Variants in REEP5 observed in about 807,000 individuals in gnomAD.
REEP5 encodes the protein receptor expression-enhancing protein 5.
REEP5 carries 24 observed loss-of-function variants against 22.4 expected under a neutral mutation model. The observed-to-expected ratio is 1.07, with a 90% CI of 0.78 to 1.51. REEP5 has a LOEUF of 1.51. Ranked by LOEUF, REEP5 falls within the 40% of genes most tolerant of loss-of-function variation. The pLI is 0.00. For synonymous variants in REEP5, 103 were observed against 88.6 expected (o/e 1.16, Z -0.92); for missense variants, 252 against 233.0 (o/e 1.08, Z -0.53).
At chr5:112,882,274 T>A (rs978498036) in intron 4 of REEP5, among the ~76,000 whole-genome samples, 4 of 152,086 alleles carry the variant, frequency 2.6e-5, no homozygotes, top group Non-Finnish European at 5.9e-5. Flanking sequence ...TCAGCCACCA[T>A]CACCTTTTAT....
chr5:112,920,720 A>C (rs1161682815), intron 2 of REEP5, among the ~76,000 whole-genome samples: 1 of 152,166 alleles, frequency 6.6e-6, no homozygotes, highest in Non-Finnish European at 1.5e-5. Context: ...AATTCTCCCT[A>C]CTGTCTCAAT....
intron 1 of REEP5, 155 bp from the exon 2 acceptor site, chr5:112,921,411 T>C: frequency 1.4e-6 from 1 of 711,850 alleles, no homozygotes; most frequent in Non-Finnish European, 2.5e-6. Flanking sequence ...AAGCTGGGCC[T>C]GCGCGTCCGC....
chr5:112,905,571 C>T (rs1447215757), intron 2 of REEP5, among the ~76,000 whole-genome samples: 2 of 146,538 alleles, frequency 1.4e-5, no homozygotes, highest in African/African-American at 5.0e-5. Context: ...AAAAAACAAA[C>T]TTGAGGTTTT....
chr5:112,898,730 G>A (rs1561654345), intron 3 of REEP5, among the ~76,000 whole-genome samples: 2 of 152,228 alleles, frequency 1.3e-5, no homozygotes, highest in East Asian at 1.9e-4. Context: ...ATCTTATTAA[G>A]GGCTTTAAAA....
At chr5:112,901,102 G>A (rs1295635930) in intron 3 of REEP5, among the ~76,000 whole-genome samples, 1 of 152,060 alleles carries the variant, frequency 6.6e-6, no homozygotes, top group Non-Finnish European at 1.5e-5. Flanking sequence ...GCCTCCCAAA[G>A]TGCTAGAATT....
At chr5:112,897,736 A>G (rs1768733751) in intron 3 of REEP5, 1 of 152,160 alleles carries the variant, frequency 6.6e-6, no homozygotes, top group South Asian at 2.1e-4. Flanking sequence ...AAAGCCAACA[A>G]TATTAACTCT....
intron 2 of REEP5, among the ~76,000 whole-genome samples, chr5:112,920,065 C>T (rs1299102288): frequency 6.6e-6 from 1 of 152,148 alleles, no homozygotes; most frequent in Non-Finnish European, 1.5e-5. Context: ...CTTGAGTCTC[C>T]TCCATAAAGC....
chr5:112,921,700 G>A, intron 1 of REEP5: 1 of 241,012 alleles, frequency 4.1e-6, no homozygotes. Context: ...CTCCACGGAG[G>A]GTCGGGTAGG....
intron 2 of REEP5, among the ~76,000 whole-genome samples, chr5:112,908,988 C>G (rs1769032744): frequency 6.6e-6 from 1 of 151,660 alleles, no homozygotes; most frequent in Non-Finnish European, 1.5e-5. Context: ...AAGAGAGCCA[C>G]ACAGCCCATC....
intron 3 of REEP5, chr5:112,894,882 C>T (rs1427412033): frequency 1.3e-5 from 2 of 152,038 alleles, no homozygotes; most frequent in African/African-American, 4.8e-5. Context: ...AAGAGAGAGA[C>T]AGATGTCCAT....
rs1219716942 is a variant in REEP5 at position 112,877,278 on chromosome 5, A to C, written c.*1508T>G. ...ATTGTTATGATCTTACCTGATTGTT[A>C]TCTCAAGGTGAGCTAATCATCTTTA... On this transcript the variant is annotated 3_prime_UTR_variant, in exon 5 of 5. Transcript: ENST00000379638. 6.6e-6 allele frequency: 1 copy of C among 152,162 alleles called. No homozygotes were observed. Among genetic ancestry groups the C allele is most frequent in the Middle Eastern group, 3.2e-3 (1 of 316 alleles). The allele number at this position is 152,162 out of a possible 1,614,324, so 9.4% of individuals were successfully genotyped here. A position where few individuals can be genotyped will look rare whatever the true frequency, so the allele number is the denominator to read the frequency against.
Position 112,905,672 on chromosome 5 carries a change from G to C in REEP5, c.213-3154C>G, listed in dbSNP as rs558173131. ...GTCTTGCTCTGTCACCCAGGCTGGA[G>C]TGCAGTGGCATGATCACAACTCACT... is the stretch of plus-strand genomic sequence containing the variant. On this transcript the variant is annotated intron_variant, in intron 2 of 4. Coordinates refer to ENST00000379638, the MANE Select transcript of REEP5 (RefSeq NM_005669.5). Among the ~76,000 whole-genome samples the C allele has an allele frequency of 1.5e-3, 232 of 152,030 alleles. 1 individual carries two copies. Among genetic ancestry groups the C allele is most frequent in the African/African-American group, 5.3e-3 (220 of 41,486 alleles).
chr5:112,914,270 G>C (rs1769183523), intron 2 of REEP5, among the ~76,000 whole-genome samples: 1 of 149,932 alleles, frequency 6.7e-6, no homozygotes, highest in South Asian at 2.1e-4. Flanking sequence ...GTTTTTTTGA[G>C]ACAGGGTCTC....
intron 3 of REEP5, among the ~76,000 whole-genome samples, chr5:112,899,262 GTT>G (rs35060737): frequency 9.0e-5 from 13 of 144,620 alleles, no homozygotes; most frequent in African/African-American, 7.5e-5. Context: ...TTGGTTTTCG[GTT>G]TTTTTTTTTT....
intron 3 of REEP5, among the ~76,000 whole-genome samples, chr5:112,888,582 C>G (rs1294740772): frequency 7.7e-6 from 1 of 130,414 alleles, no homozygotes; most frequent in Non-Finnish European, 1.6e-5. Flanking sequence ...AACCACCAGG[C>G]CTGGCTAATT....
intron 3 of REEP5, among the ~76,000 whole-genome samples, chr5:112,887,687 T>C (rs1561648644): frequency 6.6e-6 from 1 of 152,218 alleles, no homozygotes; most frequent in African/African-American, 2.4e-5. Context: ...CAGTTTTGGG[T>C]AGATCTTAGC....
chr5:112,908,086 CTTTCTTTGTTT>C (rs796461172), intron 2 of REEP5, among the ~76,000 whole-genome samples: 39 of 76,702 alleles, frequency 5.1e-4, no homozygotes, highest in South Asian at 1.3e-3. Context: ...GCATCAGAGA[CTTTCTTTGTTT>C]TTTGTTTTTT....
In REEP5 at chr5:112,921,213, T is replaced by G. The variant is rs566604759; in HGVS notation, c.162A>C (p.Gly54=). The G allele has an allele frequency of 2.5e-6, 4 of 1,613,880 alleles. No homozygotes were observed. The African/African-American group carries it at 4.0e-5, about 16-fold the overall frequency. ...LVALYLVFGY[G]ASLLCNLIGF... ...CTATCAGGTTGCAGAGGAGAGAGGC[T>G]CCATAACCGAACACCAGGTACAAGG... Residue 54 remains glycine (G), a synonymous_variant, in exon 2 of 5, where the codon GGA becomes GGC. Coordinates refer to ENST00000379638, the MANE Select transcript of REEP5 (RefSeq NM_005669.5).
chr5:112,919,508 G>C (rs1019905096), intron 2 of REEP5, among the ~76,000 whole-genome samples: 1 of 152,178 alleles, frequency 6.6e-6, no homozygotes, highest in Non-Finnish European at 1.5e-5. Context: ...GGCGGTTGCA[G>C]TGAACTGAGA....
Sources: gnomAD v4.1 joint callset for allele counts (sites outside exome capture counted in the v4.1 genomes callset) on GRCh38, gnomAD v4.1.1 for gene constraint, MANE v1.5 for transcripts, NCBI Gene and HGNC (gene_info 2026-07-23, HGNC 2026-07-21) for gene names.